The following HLX variants were observed in gnomAD, a reference collection of about 807,000 sequenced individuals.
HLX encodes H2.0-like homeobox protein.
HLX carries 6 observed loss-of-function variants against 27.7 expected under a neutral mutation model. That is an observed-to-expected ratio of 0.22 (90% CI 0.12 to 0.43). HLX has a LOEUF of 0.43. Among genes scored for constraint, HLX ranks in the 20% least tolerant of loss-of-function variants. The probability of loss-of-function intolerance (pLI) is 1.00; values close to 1 mark genes in which losing one functional copy is unlikely to be tolerated. For synonymous variants in HLX, 328 were observed against 293.8 expected, an observed-to-expected ratio of 1.12 and a Z score of -1.19; for missense variants, 666 against 655.2, an observed-to-expected ratio of 1.02 and a Z score of -0.18.
intron 1 of HLX, chr1:220,880,692 A>C: frequency 3.4e-6 from 2 of 588,582 alleles, no homozygotes; most frequent in Non-Finnish European, 6.0e-6. Context: ...AATATTTATA[A>C]AAGTGGTTGG....
chr1:220,884,356 G>A lies in HLX; in HGVS notation c.1119G>A (p.Glu373=), dbSNP rs1558116976. ...GGAGCCCCAGCCGTTCTGAAGGCGA[G>A]GCTGAGAGCGAGAGCAGCGACTCCG... ...DERSPSRSEG[E]AESESSDSES... Residue 373 remains glutamate (E), a synonymous_variant, in exon 4 of 4, where the codon GAG becomes GAA. Coordinates refer to ENST00000366903, the MANE Select transcript of HLX (RefSeq NM_021958.4). The surrounding 1 kb of genome is among the most constrained non-coding windows in gnomAD (Gnocchi z 4.9). 1.2e-6 allele frequency: 2 copies of A among 1,614,122 alleles called. No homozygotes were observed. The highest frequency in any genetic ancestry group is 1.7e-5 in the Admixed American group (1 of 60,022).
Position 220,879,940 on chromosome 1 carries a change from G to A in HLX, c.83G>A (p.Gly28Asp). ...GCTTACTGCTCCTCGGCCGGCCCAG[G>A]CGGCTGCTCCTTCCCCTTGGACCCC... The part of the protein sequence containing the change: ...SAAYCSSAGP[G>D]GCSFPLDPAA... The change falls in exon 1 of 4, where the codon GGC becomes GAC. Residue 28 changes from glycine (G) to aspartate (D), a missense_variant. Coordinates refer to ENST00000366903, the MANE Select transcript of HLX (RefSeq NM_021958.4). The A allele has an allele frequency of 1.3e-6, 2 of 1,598,480 alleles. No individual in the cohort carries two copies. Among genetic ancestry groups the A allele is most frequent in the Non-Finnish European group, 1.7e-6 (2 of 1,178,590 alleles).
chr1:220,881,365 C>T lies in HLX; in HGVS notation c.764C>T (p.Thr255Met). The change falls in exon 2 of 4, where the codon ACG becomes ATG. Residue 255 changes from threonine to methionine, a missense_variant. Physicochemically the swap from Thr to Met is moderately conservative, Grantham distance 81 (BLOSUM62 -1). Transcript: ENST00000366903. ...RNSVQHQFQD[T>M]FPGPYAVLTK... The stretch of plus-strand genomic sequence containing the variant: ...TCAGTTCAGCATCAGTTCCAAGACA[C>T]GTTTCCAGGTACGGAAAAACTCCAG... The T allele has an allele frequency of 1.2e-6, 2 of 1,613,550 alleles. No individual in the cohort carries two copies. Among genetic ancestry groups the T allele is most frequent in the Non-Finnish European group, 1.7e-6 (2 of 1,179,418 alleles).
In HLX at chr1:220,884,577, C is replaced by G; in HGVS notation, c.1340C>G (p.Thr447Ser). The G allele has an allele frequency of 2.5e-6, 4 of 1,608,072 alleles. No individual in the cohort carries two copies. Among genetic ancestry groups the G allele is most frequent in the Non-Finnish European group, 3.4e-6 (4 of 1,177,308 alleles). ...GCCAGCAGTCTTAGTAGCAGCAGCA[C>G]CAGTGCGGGTTGCGCCAGCAGCCTT... ...SSASSLSSSSTSAGCASSLGG... is the reference protein window; with the variant it reads ...SSASSLSSSSSSAGCASSLGG... Residue 447 changes from threonine to serine, a missense_variant, in exon 4 of 4, where the codon ACC becomes AGC. By Grantham distance (58) the Thr-to-Ser change is moderately conservative. Transcript: ENST00000366903. This position sits in a 1 kb window ranked among gnomAD's most constrained non-coding sequence, Gnocchi z 4.9.
At chr1:220,880,621 G>C in intron 1 of HLX, 172 bp downstream of exon 1, 1 of 685,316 alleles carries the variant, frequency 1.5e-6, no homozygotes, top group South Asian at 1.7e-5. Flanking sequence ...AAACTCACCT[G>C]TTCTATGTAA....
rs766907330 is a variant in HLX at position 220,881,366 on chromosome 1, G to A, written c.765G>A (p.Thr255=). ...RNSVQHQFQD[T]FPGPYAVLTK... is the part of the protein sequence containing the mutation. ...CAGTTCAGCATCAGTTCCAAGACACGTTTCCAGGTACGGAAAAACTCCAGA... is the reference window on the plus strand; with the variant it reads ...CAGTTCAGCATCAGTTCCAAGACACATTTCCAGGTACGGAAAAACTCCAGA... Residue 255 remains threonine (T), a synonymous_variant, in exon 2 of 4, where the codon ACG becomes ACA. Coordinates refer to ENST00000366903, the MANE Select transcript of HLX (RefSeq NM_021958.4). 5.6e-6 allele frequency: 9 copies of A among 1,613,658 alleles called. No homozygotes were observed. The highest frequency in any genetic ancestry group is 2.2e-5 in the East Asian group (1 of 44,886).
At chr1:220,880,742 T>C (rs1674408450) in intron 1 of HLX, 1 of 524,702 alleles carries the variant, frequency 1.9e-6, no homozygotes, top group Non-Finnish European at 3.4e-6. Context: ...TCTTTAATAA[T>C]GTATCTAGAG....
Position 220,879,838 on chromosome 1 carries a change from G to C in HLX, c.-20G>C. 2 of 1,554,124 alleles carry C rather than the reference G, an allele frequency of 1.3e-6. No homozygotes were observed. The highest frequency in any genetic ancestry group is 1.4e-5 in the African/African-American group (1 of 73,056). On this transcript the variant is annotated 5_prime_UTR_variant, in exon 1 of 4. Transcript: ENST00000366903. ...CCAGTCCGGCTGGACTGCGGCAGCC[G>C]CGCGGCTCACCCCGGCAGGATGTTC...
In HLX at chr1:220,884,525, G is replaced by A. The variant is rs562919553; in HGVS notation, c.1288G>A (p.Gly430Ser). ...TGGGAGTGGTGGGAGCAGCGGCGGC[G>A]GCGGCAATAGTTTCAGCTTCAGCAG... ...SAGSGGSSGG[G>S]GNSFSFSSAS... The change falls in exon 4 of 4, where the codon GGC becomes AGC. Residue 430 changes from glycine (G) to serine (S), a missense_variant. Gly to Ser is a moderately conservative substitution (Grantham distance 56). Coordinates refer to ENST00000366903, the MANE Select transcript of HLX (RefSeq NM_021958.4). This position sits in a 1 kb window ranked among gnomAD's most constrained non-coding sequence, Gnocchi z 4.9. 14 of 1,611,538 alleles carry A rather than the reference G, an allele frequency of 8.7e-6. No homozygotes were observed. In the African/African-American group the frequency reaches 1.7e-4, roughly 20 times the overall value.
At chr1:220,880,996 G>C in intron 1 of HLX, 198 bp from the exon 2 acceptor site, 1 of 617,992 alleles carries the variant, frequency 1.6e-6, no homozygotes, top group Non-Finnish European at 3.0e-6. Context: ...GCATATGGAC[G>C]TGAGGGACAC....
At chr1:220,882,626 G>A (rs959609172) in intron 3 of HLX, 1 of 462,342 alleles carries the variant, frequency 2.2e-6, no homozygotes, top group Non-Finnish European at 4.0e-6. Context: ...GAACCACGGA[G>A]AAAGCAAAAG....
Position 220,879,824 on chromosome 1 carries a change from G to A in HLX, c.-34G>A, listed in dbSNP as rs1327986791. ...GCGCGCCCACCCACCCAGTCCGGCTGGACTGCGGCAGCCGCGCGGCTCACC... is the reference window on the plus strand; with the variant it reads ...GCGCGCCCACCCACCCAGTCCGGCTAGACTGCGGCAGCCGCGCGGCTCACC... On this transcript the variant is annotated 5_prime_UTR_variant, in exon 1 of 4. Coordinates refer to ENST00000366903, the MANE Select transcript of HLX (RefSeq NM_021958.4). 2 of 1,541,788 alleles carry A rather than the reference G, an allele frequency of 1.3e-6. No individual in the cohort carries two copies. The highest frequency in any genetic ancestry group is 1.9e-5 in the Admixed American group (1 of 52,472).
chr1:220,881,649 G>A (rs1674448513), intron 2 of HLX: 2 of 535,004 alleles, frequency 3.7e-6, no homozygotes, highest in Non-Finnish European at 3.4e-6. Flanking sequence ...CGCCCCAGAG[G>A]GCTTGAAAAA....
chr1:220,879,885 T>A lies in HLX; in HGVS notation c.28T>A (p.Tyr10Asn), dbSNP rs771705333. 7 of 1,589,862 alleles carry A rather than the reference T, an allele frequency of 4.4e-6. No homozygotes were observed. Among genetic ancestry groups the A allele is most frequent in the Non-Finnish European group, 6.0e-6 (7 of 1,174,608 alleles). ...GTTCGCAGCCGGGCTGGCTCCCTTC[T>A]ACGCCTCCAACTTCAGCCTCTGGTC... Reference protein sequence around the residue: MFAAGLAPFYASNFSLWSAA... With the variant: MFAAGLAPFNASNFSLWSAA... The change falls in exon 1 of 4, where the codon TAC (tyrosine) becomes AAC (asparagine). Residue 10 changes from tyrosine to asparagine, a missense_variant. Coordinates refer to ENST00000366903, the MANE Select transcript of HLX (RefSeq NM_021958.4).
Position 220,882,194 on chromosome 1 carries a change from T to G in HLX, c.803T>G (p.Met268Arg), listed in dbSNP as rs371914368. Residue 268 changes from methionine to arginine, a missense_variant, in exon 3 of 4, where the codon ATG (methionine) becomes AGG (arginine). Physicochemically the swap from Met to Arg is moderately conservative, Grantham distance 91. Coordinates refer to ENST00000366903, the MANE Select transcript of HLX (RefSeq NM_021958.4). ...GPYAVLTKDTMPQTYKRKRSW... is the reference protein window; with the variant it reads ...GPYAVLTKDTRPQTYKRKRSW... ...TATGCTGTGCTCACGAAGGACACCATGCCGCAGACGTACAAAAGGAAGCGT... is the reference window on the plus strand; with the variant it reads ...TATGCTGTGCTCACGAAGGACACCAGGCCGCAGACGTACAAAAGGAAGCGT... 1.9e-6 allele frequency: 3 copies of G among 1,614,108 alleles called. No individual in the cohort carries two copies. Among genetic ancestry groups the G allele is most frequent in the African/African-American group, 1.3e-5 (1 of 74,938 alleles).
At chr1:220,881,502 G>C in intron 2 of HLX, 129 bp downstream of exon 2, 9 of 837,520 alleles carry the variant, frequency 1.1e-5, no homozygotes, top group Non-Finnish European at 1.8e-5. Flanking sequence ...ACGGAGTCAG[G>C]AGAGAGAAAC....
chr1:220,884,104 A>T lies in HLX; in HGVS notation c.958-91A>T, dbSNP rs1206887869. ...GTAAGCGTTGCTTTTTCACTCAGGG[A>T]GGTGGCTTGAGGGTGCACGCGAGTC... On this transcript the variant is annotated intron_variant, in intron 3 of 3. Transcript: ENST00000366903. The surrounding 1 kb of genome is among the most constrained non-coding windows in gnomAD (Gnocchi z 4.9). 1 of 1,291,668 alleles carries T rather than the reference A, an allele frequency of 7.7e-7. No homozygotes were observed. The highest frequency in any genetic ancestry group is 1.1e-6 in the Non-Finnish European group (1 of 896,480). The allele number at this position is 1,291,668 out of a possible 1,614,324, so 80.0% of individuals were successfully genotyped here. A position where few individuals can be genotyped will look rare whatever the true frequency, so the allele number is the denominator to read the frequency against.
chr1:220,880,494 C>T, intron 1 of HLX, 45 bp downstream of exon 1: 1 of 1,608,204 alleles, frequency 6.2e-7, no homozygotes, highest in Non-Finnish European at 8.5e-7. Context: ...CACTGACCCA[C>T]TCCCCGGACC....
Position 220,880,089 on chromosome 1 carries a change from T to G in HLX, c.232T>G (p.Ser78Ala). ...SAAALTAHLGSVHPHASFQAA... is the reference protein window; with the variant it reads ...SAAALTAHLGAVHPHASFQAA... ...CGCCGCCCTCACCGCGCACTTGGGC[T>G]CGGTTCACCCGCACGCCTCTTTCCA... The change falls in exon 1 of 4, where the codon TCG becomes GCG. Residue 78 changes from serine to alanine, a missense_variant. Physicochemically the swap from Ser to Ala is moderately conservative, Grantham distance 99. Transcript: ENST00000366903. 2 of 1,595,342 alleles carry G rather than the reference T, an allele frequency of 1.3e-6. No individual in the cohort carries two copies. Among genetic ancestry groups the G allele is most frequent in the Non-Finnish European group, 1.7e-6 (2 of 1,173,070 alleles).
Sources: gnomAD v4.1 joint callset for allele counts on GRCh38, gnomAD v4.1.1 for gene constraint, Gnocchi (gnomAD v3.1) non-coding constraint, MANE v1.5 for transcripts, NCBI Gene and HGNC (gene_info 2026-07-23, HGNC 2026-07-21) for gene names.